Variants in VCL observed in about 807,000 individuals in gnomAD.
VCL encodes epididymis luminal protein 114.
VCL carries 47 observed loss-of-function variants against 125.7 expected under a neutral mutation model. That is an observed-to-expected ratio of 0.37 (90% confidence interval 0.30 to 0.48). The LOEUF is 0.48. VCL is among the 20% of genes least tolerant of loss of function. The pLI, the probability that VCL is intolerant of heterozygous loss-of-function variation, is 0.99. For synonymous variants in VCL, 458 were observed against 514.6 expected (o/e 0.89, Z 1.49); for missense variants, 1,069 against 1,455.5 (o/e 0.73, Z 4.32).
intron 1 of VCL, among the ~76,000 whole-genome samples, chr10:74,024,484 G>T (rs932493986): frequency 6.6e-6 from 1 of 151,982 alleles, no homozygotes; most frequent in African/African-American, 2.4e-5. Context: ...GGTGGCAGGC[G>T]CCTGTAGTAC....
chr10:74,105,802 G>A (rs1189829758), intron 16 of VCL, among the ~76,000 whole-genome samples: 2 of 144,310 alleles, frequency 1.4e-5, no homozygotes, highest in Non-Finnish European at 3.0e-5. Flanking sequence ...TGATCCACCC[G>A]CCTTGGCCTG....
chr10:74,081,419 A>G (rs995837517), intron 6 of VCL, among the ~76,000 whole-genome samples: 1 of 152,240 alleles, frequency 6.6e-6, no homozygotes, highest in East Asian at 1.9e-4. Context: ...CTAGTGGTGC[A>G]ACACCTTTAA....
In VCL at chr10:74,083,041, A is replaced by AT. The variant is rs5786133; in HGVS notation, c.875-324dup. On this transcript the variant is annotated intron_variant, in intron 7 of 21. Coordinates refer to ENST00000211998, the MANE Select transcript of VCL (RefSeq NM_014000.3). Reference sequence around the variant, plus strand: ...CTGTTTTAGATTAATATTTGAATGAATGTGAAAAACCTAAAGTAGGTTGGA... The same window carrying AT: ...CTGTTTTAGATTAATATTTGAATGAATTGTGAAAAACCTAAAGTAGGTTGGA... Among the ~76,000 whole-genome samples, 63,244 of 152,022 alleles carry AT rather than the reference A, an allele frequency of 0.42. 13,763 individuals carry two copies. Among genetic ancestry groups the AT allele is most frequent in the East Asian group, 0.76 (3,936 of 5,160 alleles).
At position 74,070,682 on chromosome 10, in the gene VCL, T is replaced by A; in HGVS notation, c.252T>A (p.Ala84=). 6.2e-7 allele frequency: 1 copy of A among 1,614,160 alleles called. No homozygotes were observed. Among genetic ancestry groups the A allele is most frequent in the Non-Finnish European group, 8.5e-7 (1 of 1,180,014 alleles). Residue 84 remains alanine, a synonymous_variant, in exon 3 of 22, where the codon GCT becomes GCA. Coordinates refer to ENST00000211998, the MANE Select transcript of VCL (RefSeq NM_014000.3). Reference sequence around the variant, plus strand: ...TTCTTCCCTATAGGGTTGAGAATGCTTGCACCAAGCTTGTCCAGGCAGCTC... The same window carrying A: ...TTCTTCCCTATAGGGTTGAGAATGCATGCACCAAGCTTGTCCAGGCAGCTC... ...MPPAFIKVEN[A]CTKLVQAAQM... is the part of the protein sequence containing the mutation.
chr10:74,086,044 T>C (rs984328512), intron 8 of VCL, among the ~76,000 whole-genome samples: 5 of 152,120 alleles, frequency 3.3e-5, no homozygotes, highest in Non-Finnish European at 7.4e-5. Flanking sequence ...ATTTTTGTAT[T>C]TTAATAGAGA....
At chr10:74,009,307 G>A (rs1291306682) in intron 1 of VCL, among the ~76,000 whole-genome samples, 1 of 147,270 alleles carries the variant, frequency 6.8e-6, no homozygotes, top group Admixed American at 7.1e-5. Context: ...TGCCCAGGCT[G>A]GAGTGCAGTG....
rs1313955967 is a variant in VCL at position 74,119,008 on chromosome 10, GC to G, written c.*841del. 3 of 152,692 alleles carry G rather than the reference GC, an allele frequency of 2.0e-5. No individual in the cohort carries two copies. The East Asian group carries it at 5.8e-4, about 29-fold the overall frequency. The allele number at this position is 152,692 out of a possible 1,614,324, so 9.5% of individuals were successfully genotyped here. ...GGCAGAGTAGCCAGGGTGTGGCCCT[GC>G]CATCTTCCCAGCAGGGCCACTCCCG... On this transcript the variant is annotated 3_prime_UTR_variant, in exon 22 of 22. Transcript: ENST00000211998.
At chr10:74,009,224 C>CT (rs1165583419) in intron 1 of VCL, among the ~76,000 whole-genome samples, 2 of 121,858 alleles carry the variant, frequency 1.6e-5, no homozygotes, top group African/African-American at 6.8e-5. Flanking sequence ...TTTCCCCCCC[C>CT]CCCCCCGAGC....
chr10:74,013,042 C>T (rs958937632), intron 1 of VCL, among the ~76,000 whole-genome samples: 2 of 152,150 alleles, frequency 1.3e-5, no homozygotes, highest in African/African-American at 2.4e-5. Flanking sequence ...AATATTGGCT[C>T]TGCTGTGTTT....
In VCL at chr10:74,118,498, C is replaced by A. The variant is rs911490986; in HGVS notation, c.*329C>A. ...ACACTAGCCAGACACTCTGCTCTGC[C>A]CTTGTTCCCTAGGGGACACTTCCCT... On this transcript the variant is annotated 3_prime_UTR_variant, in exon 22 of 22. Coordinates refer to ENST00000211998, the MANE Select transcript of VCL (RefSeq NM_014000.3). 9.2e-5 allele frequency: 35 copies of A among 381,178 alleles called. No homozygotes were observed. The highest frequency in any genetic ancestry group is 1.7e-4 in the Non-Finnish European group (33 of 199,466). 23.6% of individuals were successfully genotyped at this position (381,178 alleles called of 1,614,324 possible).
At chr10:74,005,081 T>C (rs1423305841) in intron 1 of VCL, 1 of 151,966 alleles carries the variant, frequency 6.6e-6, no homozygotes, top group Non-Finnish European at 1.5e-5. Flanking sequence ...GATGAAGAGT[T>C]TTTGTGGTAT....
intron 1 of VCL, among the ~76,000 whole-genome samples, chr10:74,000,368 A>G (rs1296611737): frequency 6.6e-6 from 1 of 151,622 alleles, no homozygotes; most frequent in East Asian, 1.9e-4. Context: ...GACTGAGAAA[A>G]ATCCTCCCAC....
Position 74,105,194 on chromosome 10 carries a change from C to A in VCL, c.2275C>A (p.Arg759=), listed in dbSNP as rs774477633. 3 of 1,614,032 alleles carry A rather than the reference C, an allele frequency of 1.9e-6. No homozygotes were observed. Among genetic ancestry groups the A allele is most frequent in the Non-Finnish European group, 2.5e-6 (3 of 1,180,036 alleles). Residue 759 remains arginine (R), a synonymous_variant, in exon 16 of 22, where the codon CGG becomes AGG. Transcript: ENST00000211998. ...TGCTGGGGCAACCAGTATTGCTCGT[C>A]GGGCCAACCGGATCCTGCTGGTGGC... The part of the protein sequence containing the change: ...LVAGATSIAR[R]ANRILLVAKR...
chr10:74,027,788 T>C (rs546163581), intron 1 of VCL: 2 of 151,904 alleles, frequency 1.3e-5, no homozygotes, highest in African/African-American at 4.8e-5. Flanking sequence ...GATATGAAAA[T>C]GATAAAATTA....
At chr10:74,040,311 ATGT>A (rs1465842887) in intron 1 of VCL, among the ~76,000 whole-genome samples, 2 of 152,088 alleles carry the variant, frequency 1.3e-5, no homozygotes, top group Non-Finnish European at 2.9e-5. Context: ...TACCTGGCTC[ATGT>A]TGTTGTGCTA....
intron 15 of VCL, 32 bp from the exon 16 acceptor site, chr10:74,105,019 G>A (rs767860781): frequency 2.5e-6 from 4 of 1,612,206 alleles, no homozygotes; most frequent in Admixed American, 3.3e-5. Context: ...CTTCTAAATT[G>A]AAACTAAATT....
intron 2 of VCL, among the ~76,000 whole-genome samples, chr10:74,053,551 C>G (rs1841343381): frequency 6.6e-6 from 1 of 151,860 alleles, no homozygotes; most frequent in South Asian, 2.1e-4. Flanking sequence ...ATTTACTTTT[C>G]TCAAGTTTAT....
chr10:73,999,492 G>C (rs1174633267), intron 1 of VCL, among the ~76,000 whole-genome samples: 1 of 152,148 alleles, frequency 6.6e-6, no homozygotes, highest in Admixed American at 6.5e-5. Flanking sequence ...GACTCAGACT[G>C]GTCCTGCTTG....
rs750972760 is a variant in VCL, at chr10:73,998,182, G to A, written c.-26G>A. ...TGGATCCTACTTCTCTGTCGCCCGC[G>A]GTTCGCCGCCCCGCTCGCCGCCGCG... On this transcript the variant is annotated 5_prime_UTR_variant, in exon 1 of 22. Coordinates refer to ENST00000211998, the MANE Select transcript of VCL (RefSeq NM_014000.3). The A allele has an allele frequency of 1.9e-6, 3 of 1,609,080 alleles. No individual in the cohort carries two copies. Among genetic ancestry groups the A allele is most frequent in the South Asian group, 1.1e-5 (1 of 90,258 alleles).
Sources: allele counts gnomAD v4.1 joint callset (sites outside exome capture counted in the v4.1 genomes callset), GRCh38; gene constraint gnomAD v4.1.1; transcripts MANE v1.5; gene names NCBI Gene and HGNC (gene_info 2026-07-23, HGNC 2026-07-21).